Variants in TTC28 observed in about 807,000 individuals in gnomAD.
TTC28 encodes the protein tetratricopeptide repeat protein 28.
In TTC28, 61 loss-of-function variants were observed where a neutral mutation model predicts 198.0. That is an observed-to-expected ratio of 0.31 (90% CI 0.25 to 0.38). The LOEUF (loss-of-function observed/expected upper bound fraction) is 0.38, where lower values mean the gene tolerates loss of function less well. TTC28 is among the 10% of genes least tolerant of loss of function. The probability of loss-of-function intolerance (pLI) is 1.00; values close to 1 mark genes in which losing one functional copy is unlikely to be tolerated. For missense variants in TTC28, 2,678 were observed against 3,164.0 expected, an observed-to-expected ratio of 0.85 and a Z score of 3.69; for synonymous variants, 1,171 against 1,297.8, an observed-to-expected ratio of 0.90 and a Z score of 2.10.
chr22:28,241,932 C>T (rs1392532014), intron 5 of TTC28, among the ~76,000 whole-genome samples: 3 of 151,914 alleles, frequency 2.0e-5, no homozygotes, highest in Non-Finnish European at 4.4e-5. Context: ...AATAAAAATG[C>T]TAAGTAAGGA....
rs2146561348 is a variant in TTC28 at position 28,005,460 on chromosome 22, T to C, written c.4219-3907A>G. Among the ~76,000 whole-genome samples, 1 of 152,318 alleles carries C rather than the reference T, an allele frequency of 6.6e-6. No individual in the cohort carries two copies. Among genetic ancestry groups the C allele is most frequent in the Non-Finnish European group, 1.5e-5 (1 of 68,022 alleles). On this transcript the variant is annotated intron_variant, in intron 14 of 22. Transcript: ENST00000397906. This position sits in a 1 kb window ranked among gnomAD's most constrained non-coding sequence, Gnocchi z 4.9. The stretch of plus-strand genomic sequence containing the variant: ...TCTCAGGTCCTGAAGCCCTTGTCAC[T>C]ATCCGCTCCAAGATAGGCTGCATTC...
intron 5 of TTC28, among the ~76,000 whole-genome samples, chr22:28,233,041 G>A (rs1426534103): frequency 6.6e-6 from 1 of 151,898 alleles, no homozygotes; most frequent in Non-Finnish European, 1.5e-5. Context: ...GGCAGAGGTT[G>A]CAGTGAGCTG....
At chr22:28,068,877 C>G (rs1232483288) in intron 12 of TTC28, among the ~76,000 whole-genome samples, 1 of 152,160 alleles carries the variant, frequency 6.6e-6, no homozygotes, top group Non-Finnish European at 1.5e-5. Context: ...AATCATTTCC[C>G]TTGCTCTCAA....
intron 2 of TTC28, among the ~76,000 whole-genome samples, chr22:28,396,410 T>G (rs565764618): frequency 3.3e-5 from 5 of 152,196 alleles, no homozygotes; most frequent in Non-Finnish European, 5.9e-5. Flanking sequence ...CTTGTAAAGG[T>G]TGTAATTCTG....
chr22:28,347,912 T>C (rs978962943), intron 2 of TTC28, among the ~76,000 whole-genome samples: 15 of 152,202 alleles, frequency 9.9e-5, no homozygotes, highest in Non-Finnish European at 1.9e-4. Flanking sequence ...CTTACATATT[T>C]TGAGGAAGGA....
chr22:28,198,005 G>T (rs934269858), intron 5 of TTC28, among the ~76,000 whole-genome samples: 11 of 152,122 alleles, frequency 7.2e-5, no homozygotes, highest in African/African-American at 2.4e-4. Context: ...ATTTCACCAT[G>T]ATGAAAATGG....
rs185695107 is a variant in TTC28 at position 28,065,371 on chromosome 22, C to T, written c.3932+28709G>A. Among the ~76,000 whole-genome samples, 19 of 152,296 alleles carry T rather than the reference C, an allele frequency of 1.2e-4. No homozygotes were observed. The East Asian group carries it at 3.3e-3, about 26-fold the overall frequency. On this transcript the variant is annotated intron_variant, in intron 12 of 22. Coordinates refer to ENST00000397906, the MANE Select transcript of TTC28 (RefSeq NM_001145418.2). The stretch of plus-strand genomic sequence containing the variant: ...AATTCTTCTTTCTCCACTGACTTAG[C>T]GTATGCTTCGAGGTCACTGATAATC...
chr22:28,068,889 T>C lies in TTC28; in HGVS notation c.3932+25191A>G, dbSNP rs566878180. Among the ~76,000 whole-genome samples, 7 of 152,324 alleles carry C rather than the reference T, an allele frequency of 4.6e-5. No individual in the cohort carries two copies. The South Asian group carries it at 1.5e-3, about 32-fold the overall frequency. On this transcript the variant is annotated intron_variant, in intron 12 of 22. Transcript: ENST00000397906. Reference sequence around the variant, plus strand: ...AGAAATCATTTCCCTTGCTCTCAAATTCACTACAGTAAGATTATTTAAATG... The same window carrying C: ...AGAAATCATTTCCCTTGCTCTCAAACTCACTACAGTAAGATTATTTAAATG...
chr22:28,474,233 A>T (rs2048133060), intron 2 of TTC28, among the ~76,000 whole-genome samples: 1 of 152,252 alleles, frequency 6.6e-6, no homozygotes, highest in African/African-American at 2.4e-5. Flanking sequence ...GTGGTAACTG[A>T]CTTAGCAGAA....
At chr22:27,990,122 A>G (rs1286541700) in intron 20 of TTC28, 115 bp from the exon 21 acceptor site, 4 of 1,324,338 alleles carry the variant, frequency 3.0e-6, no homozygotes, top group Non-Finnish European at 4.1e-6. Context: ...TGACCCTCTC[A>G]TGAGTGTAGC....
chr22:28,289,780 CTT>C (rs1457879464), intron 5 of TTC28, among the ~76,000 whole-genome samples: 2 of 152,160 alleles, frequency 1.3e-5, no homozygotes, highest in East Asian at 3.9e-4. Flanking sequence ...AATCCCAACA[CTT>C]TGGGAGGCCA....
chr22:28,428,747 T>C (rs1270669601), intron 2 of TTC28, among the ~76,000 whole-genome samples: 1 of 151,900 alleles, frequency 6.6e-6, no homozygotes, highest in African/African-American at 2.4e-5. Context: ...CACGCCATTC[T>C]CCCGCCTCAG....
intron 1 of TTC28, among the ~76,000 whole-genome samples, chr22:28,630,971 A>ATTC (rs2051163865): frequency 6.6e-6 from 1 of 152,152 alleles, no homozygotes; most frequent in Non-Finnish European, 1.5e-5. Context: ...TAATGCTGAA[A>ATTC]AGCCAGGAAC....
At chr22:28,588,794 G>C (rs558736592) in intron 2 of TTC28, among the ~76,000 whole-genome samples, 2 of 152,104 alleles carry the variant, frequency 1.3e-5, no homozygotes, top group Admixed American at 6.5e-5. Flanking sequence ...TCAGAATCTC[G>C]AGTACTACTT....
intron 9 of TTC28, among the ~76,000 whole-genome samples, chr22:28,100,908 A>C (rs1942126137): frequency 6.6e-6 from 1 of 152,224 alleles, no homozygotes; most frequent in South Asian, 2.1e-4. Flanking sequence ...GATGAATATA[A>C]TTTCATATCA....
chr22:28,352,632 C>G (rs1181996198), intron 2 of TTC28, among the ~76,000 whole-genome samples: 1 of 151,926 alleles, frequency 6.6e-6, no homozygotes, highest in Admixed American at 6.6e-5. Context: ...ACTGATACCC[C>G]CTCAGCAAGA....
At chr22:27,997,877 C>G (rs1446578228) in intron 16 of TTC28, 3 of 152,472 alleles carry the variant, frequency 2.0e-5, no homozygotes, top group African/African-American at 4.8e-5. Flanking sequence ...CCAGGGGAAG[C>G]AGGTTGTTGC....
chr22:28,268,764 C>T (rs1931846854), intron 5 of TTC28, among the ~76,000 whole-genome samples: 1 of 152,170 alleles, frequency 6.6e-6, no homozygotes, highest in Admixed American at 6.5e-5. Context: ...CTCATCTAGA[C>T]ATCTAGTTTC....
At chr22:28,639,186 T>C (rs2051322118) in intron 1 of TTC28, among the ~76,000 whole-genome samples, 2 of 151,956 alleles carry the variant, frequency 1.3e-5, no homozygotes, top group South Asian at 4.1e-4. Flanking sequence ...AACAGGAAAA[T>C]GGATAAGCAC....
Sources: allele counts gnomAD v4.1 joint callset (sites outside exome capture counted in the v4.1 genomes callset), GRCh38; gene constraint gnomAD v4.1.1; non-coding constraint Gnocchi (gnomAD v3.1); transcripts MANE v1.5; gene names NCBI Gene and HGNC (gene_info 2026-07-23, HGNC 2026-07-21).